The following UGGT1 variants were observed in gnomAD, a reference collection of about 807,000 sequenced individuals.
UGGT1 encodes UDP-glucose glycoprotein glucosyltransferase 1.
Under a neutral mutation model 203.9 loss-of-function variants are expected in UGGT1, and 107 were observed. The ratio of observed to expected loss-of-function variants is 0.52; its 90% CI spans 0.45 to 0.62. The LOEUF (loss-of-function observed/expected upper bound fraction) is 0.62. Among genes scored for constraint, UGGT1 ranks in the 20% least tolerant of loss-of-function variants. The pLI is 0.00. For missense variants in UGGT1, 1,673 were observed against 1,867.2 expected (o/e 0.90, Z 1.92); for synonymous variants, 628 against 653.5 (o/e 0.96, Z 0.59).
At position 128,108,085 on chromosome 2, in the gene UGGT1, TAAAG is replaced by T; in HGVS notation, c.408+20_408+23del. The T allele has an allele frequency of 6.2e-7, 1 of 1,613,910 alleles. No homozygotes were observed. On this transcript the variant is annotated intron_variant, in intron 4 of 40. Transcript: ENST00000259253. ...TTCCAGCAGGTGGGTCCAGTGCTCT[TAAAG>T]AACAGCATTTTAGAGTGTATATCAT...
chr2:128,112,454 T>TTTTATATATATATATATATATATA (rs149422257), intron 5 of UGGT1, among the ~76,000 whole-genome samples: 9 of 55,798 alleles, frequency 1.6e-4, no homozygotes, highest in African/African-American at 4.8e-4. Flanking sequence ...AAATACTATG[T>TTTTATATATATATATATATATATA]TATATATATA....
chr2:128,159,994 A>G (rs1034508699), intron 23 of UGGT1, among the ~76,000 whole-genome samples: 1 of 152,190 alleles, frequency 6.6e-6, no homozygotes, highest in Admixed American at 6.5e-5. Flanking sequence ...TTATAGAGCA[A>G]AAAACGGAGA....
intron 14 of UGGT1, among the ~76,000 whole-genome samples, chr2:128,133,504 C>T (rs998387772): frequency 2.6e-5 from 4 of 152,048 alleles, no homozygotes; most frequent in Admixed American, 6.6e-5. Context: ...ATTTTTAACA[C>T]GAAGGTTTAG....
intron 5 of UGGT1, among the ~76,000 whole-genome samples, chr2:128,110,196 A>G (rs1031207968): frequency 1.3e-5 from 2 of 152,192 alleles, no homozygotes; most frequent in South Asian, 4.1e-4. Flanking sequence ...TTTGGTAACT[A>G]ATGTACCAGC....
At chr2:128,127,634 C>T (rs1688666986) in intron 12 of UGGT1, among the ~76,000 whole-genome samples, 182 bp downstream of exon 12, 1 of 152,186 alleles carries the variant, frequency 6.6e-6, no homozygotes, top group South Asian at 2.1e-4. Flanking sequence ...GACATATCTC[C>T]ATCTTGTGTT....
intron 11 of UGGT1, among the ~76,000 whole-genome samples, chr2:128,125,409 C>T (rs990063225): frequency 3.9e-5 from 6 of 152,264 alleles, no homozygotes; most frequent in Admixed American, 3.3e-4. Context: ...CTGTGTGCTG[C>T]CAGTTCCTGA....
chr2:128,149,187 G>A (rs1239364084), intron 18 of UGGT1, among the ~76,000 whole-genome samples: 1 of 151,972 alleles, frequency 6.6e-6, no homozygotes, highest in Non-Finnish European at 1.5e-5. Context: ...GACCATAGGT[G>A]TATGCCACCA....
chr2:128,165,490 G>A (rs1690743135), intron 26 of UGGT1, among the ~76,000 whole-genome samples: 1 of 152,132 alleles, frequency 6.6e-6, no homozygotes. Context: ...CTGAGGTCAG[G>A]AGTTTGAGAC....
chr2:128,134,261 C>A (rs1017159985), intron 14 of UGGT1, among the ~76,000 whole-genome samples: 4 of 152,164 alleles, frequency 2.6e-5, no homozygotes, highest in African/African-American at 9.7e-5. Flanking sequence ...GTTTCAAACT[C>A]CTGAACTCAG....
chr2:128,171,280 A>G lies in UGGT1; in HGVS notation c.3100A>G (p.Lys1034Glu), dbSNP rs1691087872. Residue 1034 changes from lysine to glutamate, a missense_variant, in exon 28 of 41, where the codon AAA (lysine) becomes GAA (glutamate). Physicochemically the swap from Lys to Glu is moderately conservative, Grantham distance 56. Coordinates refer to ENST00000259253, the MANE Select transcript of UGGT1 (RefSeq NM_020120.4). ...CQSKLSDMPL[K>E]SFYRYVLEPE... ...ATCCAAACTTTCTGACATGCCTTTA[A>G]AAAGGTAAAACATGCTATGTAAGAA... 2 of 1,612,662 alleles carry G rather than the reference A, an allele frequency of 1.2e-6. No homozygotes were observed. The highest frequency in any genetic ancestry group is 1.7e-6 in the Non-Finnish European group (2 of 1,179,450).
chr2:128,098,744 G>A (rs1268342515), intron 2 of UGGT1, among the ~76,000 whole-genome samples: 2 of 137,528 alleles, frequency 1.5e-5, no homozygotes, highest in East Asian at 2.0e-4. Flanking sequence ...GCAAGACTCC[G>A]TCTCAAAAAA....
At chr2:128,164,218 A>G (rs1690668414) in intron 25 of UGGT1, among the ~76,000 whole-genome samples, 2 of 152,158 alleles carry the variant, frequency 1.3e-5, no homozygotes, top group South Asian at 4.1e-4. Context: ...TAACCAAGGA[A>G]AGGATTTTTA....
intron 13 of UGGT1, among the ~76,000 whole-genome samples, chr2:128,130,985 C>G (rs945816378): frequency 1.3e-5 from 2 of 152,016 alleles, no homozygotes; most frequent in African/African-American, 2.4e-5. Context: ...GTAATCCCAG[C>G]ACTTTGGGAG....
intron 8 of UGGT1, among the ~76,000 whole-genome samples, 165 bp from the exon 9 acceptor site, chr2:128,120,191 A>AT (rs56180652): frequency 1.3e-5 from 2 of 151,812 alleles, no homozygotes; most frequent in Non-Finnish European, 2.9e-5. Flanking sequence ...CTAATTTTCT[A>AT]TTTTTTTTAA....
In UGGT1 at chr2:128,193,813, G is replaced by A. The variant is rs1692391298; in HGVS notation, c.*4071G>A. 6.6e-6 allele frequency: 1 copy of A among 152,176 alleles called. No individual in the cohort carries two copies. The highest frequency in any genetic ancestry group is 1.5e-5 in the Non-Finnish European group (1 of 68,058). 9.4% of individuals were successfully genotyped at this position (152,176 alleles called of 1,614,324 possible). The stretch of plus-strand genomic sequence containing the variant: ...GACTCCCTTCCTCCCCCGCCCTCCG[G>A]AAGTATATTTAGATACTTGAAAGCA... On this transcript the variant is annotated 3_prime_UTR_variant, in exon 41 of 41. Coordinates refer to ENST00000259253, the MANE Select transcript of UGGT1 (RefSeq NM_020120.4).
chr2:128,175,657 C>T (rs6728923), intron 31 of UGGT1, among the ~76,000 whole-genome samples: 86,545 of 151,972 alleles, frequency 0.57, 24,966 homozygotes, highest in South Asian at 0.65. Flanking sequence ...AAGGTTTTTT[C>T]CCACATAACA....
chr2:128,133,372 A>AC (rs1461701820), intron 14 of UGGT1, 112 bp downstream of exon 14: 25 of 1,366,628 alleles, frequency 1.8e-5, no homozygotes, highest in Non-Finnish European at 2.4e-5. Context: ...TTCCTCCCCC[A>AC]CCCTTCACCA....
intron 25 of UGGT1, among the ~76,000 whole-genome samples, chr2:128,162,372 C>T (rs568253604): frequency 1.2e-4 from 18 of 151,716 alleles, no homozygotes; most frequent in South Asian, 1.0e-3. Flanking sequence ...GTTCTGCTTG[C>T]GAGGTTGCAA....
intron 23 of UGGT1, 31 bp downstream of exon 23, chr2:128,159,751 C>G (rs2104739719): frequency 6.3e-7 from 1 of 1,599,432 alleles, no homozygotes; most frequent in Non-Finnish European, 8.5e-7. Context: ...TGAGGCTGCC[C>G]CATTTTGTCT....
Sources: gnomAD v4.1 joint callset for allele counts (sites outside exome capture counted in the v4.1 genomes callset) on GRCh38, gnomAD v4.1.1 for gene constraint, MANE v1.5 for transcripts, NCBI Gene and HGNC (gene_info 2026-07-23, HGNC 2026-07-21) for gene names.